The following PCDHA7 variants were observed in gnomAD, a reference collection of about 807,000 sequenced individuals.
PCDHA7 encodes the protein protocadherin alpha 7.
In PCDHA7, 37 loss-of-function variants were observed where a neutral mutation model predicts 57.2. The observed-to-expected ratio is 0.65, with a 90% confidence interval of 0.50 to 0.85. PCDHA7 has a LOEUF of 0.85. Among genes scored for constraint, PCDHA7 ranks in the 40% least tolerant of loss-of-function variants. PCDHA7 has a pLI of 0.00. For synonymous variants in PCDHA7, 553 were observed against 558.8 expected, an observed-to-expected ratio of 0.99 and a Z score of 0.15; for missense variants, 1,188 against 1,241.8, an observed-to-expected ratio of 0.96 and a Z score of 0.65.
At chr5:140,877,522 G>T in intron 1 of PCDHA7, 1 of 1,613,798 alleles carries the variant, frequency 6.2e-7, no homozygotes, top group Non-Finnish European at 8.5e-7. Context: ...GCGGGCCTCA[G>T]TGGGCGCTGT....
Position 140,969,340 on chromosome 5 carries a change from G to A in PCDHA7, c.2356-9609G>A, listed in dbSNP as rs1262555926. 6 of 1,613,738 alleles carry A rather than the reference G, an allele frequency of 3.7e-6. No homozygotes were observed. The African/African-American group carries it at 5.3e-5, about 14-fold the overall frequency. On this transcript the variant is annotated intron_variant, in intron 1 of 3. Coordinates refer to ENST00000525929, the MANE Select transcript of PCDHA7 (RefSeq NM_018910.3). The stretch of plus-strand genomic sequence containing the variant: ...CTGTTTCTCAAAATGAGGTGAGACA[G>A]TGGTCAGGGGGTCTTCTACAAACTC...
chr5:140,900,178 T>C (rs972449455), intron 1 of PCDHA7, among the ~76,000 whole-genome samples: 2 of 152,238 alleles, frequency 1.3e-5, no homozygotes, highest in African/African-American at 2.4e-5. Context: ...GCCTGGTTTA[T>C]GTCACTTATA....
intron 3 of PCDHA7, among the ~76,000 whole-genome samples, chr5:141,000,216 T>C (rs665221): frequency 1.3e-5 from 2 of 151,640 alleles, no homozygotes; most frequent in East Asian, 1.9e-4. Flanking sequence ...CATTATCAAA[T>C]GCCTGTGTGG....
chr5:140,863,527 G>C, intron 1 of PCDHA7: 1 of 392,272 alleles, frequency 2.5e-6, no homozygotes, highest in Non-Finnish European at 5.0e-6. Context: ...CCATGGTTCA[G>C]ATTTTGGAGA....
In PCDHA7 at chr5:140,900,299, G is replaced by T. The variant is rs1042472528; in HGVS notation, c.2355+63561G>T. ...CCACACTTTCTTTTCTGTTTTTTTA[G>T]ACAGTCTCACTTTTGTCGCCCAGGC... On this transcript the variant is annotated intron_variant, in intron 1 of 3. Coordinates refer to ENST00000525929, the MANE Select transcript of PCDHA7 (RefSeq NM_018910.3). 2.0e-5 allele frequency among the ~76,000 whole-genome samples: 3 copies of T among 151,604 alleles called. No homozygotes were observed. The East Asian group carries it at 5.8e-4, about 29-fold the overall frequency.
In PCDHA7 at chr5:140,834,475, T is replaced by G; in HGVS notation, c.92T>G (p.Leu31Arg). ...GCTTGGGAGGCAGGGAGAGGCCAGC[T>G]CCACTACTCGGTCCCCGAGGAGGCT... ...LAAWEAGRGQ[L>R]HYSVPEEAKH... The change falls in exon 1 of 4, where the codon CTC becomes CGC. Residue 31 changes from leucine to arginine, a missense_variant. This residue lies in a region of PCDHA7 where 194 missense variants were observed against 185.8 expected (regional missense o/e 1.04). Transcript: ENST00000525929. 6.2e-7 allele frequency: 1 copy of G among 1,614,156 alleles called. No individual in the cohort carries two copies. Among genetic ancestry groups the G allele is most frequent in the Non-Finnish European group, 8.5e-7 (1 of 1,180,044 alleles).
chr5:140,955,468 T>C (rs1394591179), intron 1 of PCDHA7, among the ~76,000 whole-genome samples: 1 of 152,116 alleles, frequency 6.6e-6, no homozygotes, highest in Non-Finnish European at 1.5e-5. Context: ...TCCTTTTTGC[T>C]TGGCACCTCT....
chr5:140,870,918 G>A, intron 1 of PCDHA7: 1 of 1,613,956 alleles, frequency 6.2e-7, no homozygotes, highest in Non-Finnish European at 8.5e-7. Context: ...ACAACGCGTG[G>A]CTTTCATATG....
At chr5:140,858,713 G>A (rs1554151978) in intron 1 of PCDHA7, 3 of 521,676 alleles carry the variant, frequency 5.8e-6, no homozygotes, top group African/African-American at 3.9e-5. Context: ...TGTGATATAG[G>A]TTGCAGTTCT....
At chr5:140,905,802 C>T (rs1043410620) in intron 1 of PCDHA7, among the ~76,000 whole-genome samples, 11 of 152,152 alleles carry the variant, frequency 7.2e-5, no homozygotes, top group African/African-American at 2.7e-4. Flanking sequence ...TCTAGAGGGA[C>T]AGAATTAATA....
At chr5:140,927,481 G>A in intron 1 of PCDHA7, 1 of 1,614,072 alleles carries the variant, frequency 6.2e-7, no homozygotes, top group Non-Finnish European at 8.5e-7. Flanking sequence ...CGAACAGCGC[G>A]CCACCCACCT....
In PCDHA7 at chr5:140,854,136, C is replaced by T. The variant is rs1341561455; in HGVS notation, c.2355+17398C>T. 15 of 398,606 alleles carry T rather than the reference C, an allele frequency of 3.8e-5. 1 individual carries two copies. The highest frequency in any genetic ancestry group is 1.0e-4 in the South Asian group (1 of 9,692). 24.7% of individuals were successfully genotyped at this position (398,606 alleles called of 1,614,324 possible). ...GTGATGGCACAACTGCATTTCAGCCCGGGTGACAGCAAGATTCTGTCTCAA... is the reference window on the plus strand; with the variant it reads ...GTGATGGCACAACTGCATTTCAGCCTGGGTGACAGCAAGATTCTGTCTCAA... On this transcript the variant is annotated intron_variant, in intron 1 of 3. Transcript: ENST00000525929.
At chr5:140,936,311 T>C (rs1451314089) in intron 1 of PCDHA7, among the ~76,000 whole-genome samples, 1 of 152,228 alleles carries the variant, frequency 6.6e-6, no homozygotes, top group African/African-American at 2.4e-5. Flanking sequence ...AATAGAACTT[T>C]CTGACATGCT....
At chr5:140,869,926 G>T in intron 1 of PCDHA7, 1 of 1,611,516 alleles carries the variant, frequency 6.2e-7, no homozygotes, top group Non-Finnish European at 8.5e-7. Flanking sequence ...AGGAGTCAAT[G>T]GAGAGGTAAC....
intron 1 of PCDHA7, among the ~76,000 whole-genome samples, chr5:140,890,597 G>A (rs527637387): frequency 2.6e-5 from 4 of 152,002 alleles, no homozygotes; most frequent in African/African-American, 4.8e-5. Flanking sequence ...GCCCTTTTCC[G>A]AATAGCTAGT....
Position 140,978,996 on chromosome 5 carries a change from A to C in PCDHA7, c.2403A>C (p.Ala801=). Residue 801 remains alanine, a synonymous_variant, in exon 2 of 4, where the codon GCA becomes GCC. Transcript: ENST00000525929. ...GGCGTTACTCTGCCTCCCTGAGAGC[A>C]GGCATGCACAGGTATGTATTTCCCT... ...PDWRYSASLR[A]GMHSSVHLEE... is the part of the protein sequence containing the mutation. 6.2e-7 allele frequency: 1 copy of C among 1,614,186 alleles called. No individual in the cohort carries two copies. The highest frequency in any genetic ancestry group is 8.5e-7 in the Non-Finnish European group (1 of 1,180,024).
chr5:140,968,107 G>A (rs200195064), intron 1 of PCDHA7: 58 of 1,613,992 alleles, frequency 3.6e-5, no homozygotes, highest in African/African-American at 5.3e-5. Context: ...GGGGAATACC[G>A]CAGCTCACAT....
At chr5:140,849,842 C>A (rs2150452935) in intron 1 of PCDHA7, 1 of 1,598,534 alleles carries the variant, frequency 6.3e-7, no homozygotes, top group Non-Finnish European at 8.6e-7. Context: ...CCGACGTGAA[C>A]GACAACGCAC....
At position 140,834,490 on chromosome 5, in the gene PCDHA7, C is replaced by CCG. The variant is rs1360938098; in HGVS notation, c.108_109dup (p.Glu37AlafsTer42). The CCG allele has an allele frequency of 5.0e-6, 8 of 1,614,154 alleles. No homozygotes were observed. The highest frequency in any genetic ancestry group is 5.9e-6 in the Non-Finnish European group (7 of 1,180,048). ...AGAGGCCAGCTCCACTACTCGGTCCCCGAGGAGGCTAAACATGGCAACTTC... is the reference window on the plus strand; with the variant it reads ...AGAGGCCAGCTCCACTACTCGGTCCCCGCGAGGAGGCTAAACATGGCAACTTC... On this transcript the variant is annotated frameshift_variant, in exon 1 of 4. Transcript: ENST00000525929. LOFTEE classifies it high-confidence loss of function.
Sources: gnomAD v4.1 joint callset for allele counts (sites outside exome capture counted in the v4.1 genomes callset) on GRCh38, gnomAD v4.1.1 for gene constraint, gnomAD v4.1.1 regional missense constraint, MANE v1.5 for transcripts, NCBI Gene and HGNC (gene_info 2026-07-23, HGNC 2026-07-21) for gene names.